BTBD9: variants seen among roughly 807,000 people sequenced by gnomAD.
BTBD9 encodes BTB domain containing 9.
BTBD9 carries 49 observed loss-of-function variants against 64.3 expected under a neutral mutation model. The ratio of observed to expected loss-of-function variants is 0.76; its 90% CI spans 0.61 to 0.97. The LOEUF (loss-of-function observed/expected upper bound fraction) is 0.97. Ranked by LOEUF, BTBD9 falls within the 50% of genes least tolerant of loss-of-function variation. BTBD9 has a pLI of 0.00. For missense variants in BTBD9, 598 were observed against 762.1 expected, an observed-to-expected ratio of 0.78 and a Z score of 2.53; for synonymous variants, 260 against 274.7, an observed-to-expected ratio of 0.95 and a Z score of 0.53.
intron 6 of BTBD9, among the ~76,000 whole-genome samples, chr6:38,422,317 C>A (rs1397444667): frequency 6.6e-6 from 1 of 152,142 alleles, no homozygotes; most frequent in African/African-American, 2.4e-5. Flanking sequence ...ATCTCAGAAG[C>A]CCTCATGTGC....
At chr6:38,489,149 G>A (rs1206845508) in intron 6 of BTBD9, among the ~76,000 whole-genome samples, 1 of 152,076 alleles carries the variant, frequency 6.6e-6, no homozygotes, top group Non-Finnish European at 1.5e-5. Flanking sequence ...ACCTGCCTTG[G>A]CTTCCTGAAG....
intron 1 of BTBD9, among the ~76,000 whole-genome samples, chr6:38,605,916 A>C (rs1245237488): frequency 6.6e-6 from 1 of 152,182 alleles, no homozygotes; most frequent in Non-Finnish European, 1.5e-5. Flanking sequence ...TTAACATTTG[A>C]GTCAGTGGAC....
At chr6:38,498,116 C>A (rs1166091665) in intron 6 of BTBD9, among the ~76,000 whole-genome samples, 1 of 152,176 alleles carries the variant, frequency 6.6e-6, no homozygotes, top group Non-Finnish European at 1.5e-5. Context: ...TGATTCCCAA[C>A]AAATTATCAG....
chr6:38,539,623 A>ACCTAT (rs1287328929), intron 6 of BTBD9, among the ~76,000 whole-genome samples: 1 of 152,222 alleles, frequency 6.6e-6, no homozygotes, highest in Non-Finnish European at 1.5e-5. Context: ...TTTTTAAAAG[A>ACCTAT]GATTTATTTG....
chr6:38,340,286 C>T (rs1229226679), intron 7 of BTBD9, among the ~76,000 whole-genome samples: 1 of 152,108 alleles, frequency 6.6e-6, no homozygotes, highest in East Asian at 1.9e-4. Flanking sequence ...TTCCAAATGT[C>T]ATTTTCCTCT....
intron 6 of BTBD9, among the ~76,000 whole-genome samples, chr6:38,388,397 T>C (rs1417533695): frequency 2.0e-5 from 3 of 152,212 alleles, no homozygotes; most frequent in African/African-American, 7.2e-5. Context: ...AAAAGAAAGT[T>C]TGGTATAACT....
chr6:38,329,319 T>A (rs1363980389), intron 7 of BTBD9, among the ~76,000 whole-genome samples: 2 of 149,710 alleles, frequency 1.3e-5, no homozygotes, highest in African/African-American at 5.0e-5. Context: ...AAGACCTTTT[T>A]TTCCTTTTTT....
At chr6:38,485,730 A>G (rs1771365267) in intron 6 of BTBD9, among the ~76,000 whole-genome samples, 1 of 152,166 alleles carries the variant, frequency 6.6e-6, no homozygotes, top group South Asian at 2.1e-4. Context: ...CATAACTCTT[A>G]GGGCCCTAGG....
chr6:38,386,847 T>G (rs1301566780), intron 6 of BTBD9, among the ~76,000 whole-genome samples: 1 of 152,054 alleles, frequency 6.6e-6, no homozygotes, highest in Non-Finnish European at 1.5e-5. Flanking sequence ...TTCACCATGC[T>G]GCCCAGGCTG....
At chr6:38,324,159 T>C (rs1763335634) in intron 7 of BTBD9, among the ~76,000 whole-genome samples, 1 of 152,178 alleles carries the variant, frequency 6.6e-6, no homozygotes. Context: ...ATAATTTACA[T>C]CTTGTTATAC....
At chr6:38,387,280 T>C (rs1055511136) in intron 6 of BTBD9, among the ~76,000 whole-genome samples, 1 of 152,338 alleles carries the variant, frequency 6.6e-6, no homozygotes, top group South Asian at 2.1e-4. Flanking sequence ...CTCACGCCTG[T>C]AATCCCAACA....
Position 38,184,198 on chromosome 6 carries a change from C to T in BTBD9, c.1641+8321G>A, listed in dbSNP as rs984644124. ...GTTGGGTTCAGGATGAACAAGGCTG[C>T]GGTGACAGCATCCTCACTCTTGCCT... On this transcript the variant is annotated intron_variant, in intron 10 of 10. Coordinates refer to ENST00000481247, the MANE Select transcript of BTBD9 (RefSeq NM_001099272.2). The surrounding 1 kb of genome is among the most constrained non-coding windows in gnomAD (Gnocchi z 4.4). Among the ~76,000 whole-genome samples the T allele has an allele frequency of 5.9e-5, 9 of 152,240 alleles. No homozygotes were observed. Among genetic ancestry groups the T allele is most frequent in the African/African-American group, 1.9e-4 (8 of 41,520 alleles).
intron 4 of BTBD9, among the ~76,000 whole-genome samples, chr6:38,590,245 T>C (rs1424629636): frequency 6.6e-6 from 1 of 152,100 alleles, no homozygotes; most frequent in African/African-American, 2.4e-5. Context: ...CTCACACAGA[T>C]ATACACAGAA....
chr6:38,268,249 C>T (rs986975377), intron 8 of BTBD9, among the ~76,000 whole-genome samples: 5 of 152,200 alleles, frequency 3.3e-5, no homozygotes, highest in African/African-American at 1.2e-4. Context: ...CCTGCCCATC[C>T]GCTGAACACA....
At chr6:38,359,874 T>A (rs1764881845) in intron 6 of BTBD9, among the ~76,000 whole-genome samples, 1 of 151,618 alleles carries the variant, frequency 6.6e-6, no homozygotes, top group South Asian at 2.1e-4. Context: ...CTCTCCTAAT[T>A]CTCAAACAGA....
At chr6:38,593,892 G>A in intron 3 of BTBD9, 72 bp downstream of exon 3, 1 of 1,277,060 alleles carries the variant, frequency 7.8e-7, no homozygotes, top group Non-Finnish European at 1.1e-6. Flanking sequence ...TTAGTCCATT[G>A]CTATACTTCT....
chr6:38,267,051 C>G (rs1429000916), intron 8 of BTBD9, among the ~76,000 whole-genome samples: 1 of 152,234 alleles, frequency 6.6e-6, no homozygotes, highest in Non-Finnish European at 1.5e-5. Flanking sequence ...TCAGTGAGAT[C>G]AGCCTGATTT....
intron 9 of BTBD9, among the ~76,000 whole-genome samples, chr6:38,206,256 G>T (rs1455450689): frequency 1.3e-5 from 2 of 150,556 alleles, no homozygotes; most frequent in Non-Finnish European, 3.0e-5. Flanking sequence ...TTGCTCTGTT[G>T]CCAGGCTAGA....
intron 6 of BTBD9, among the ~76,000 whole-genome samples, chr6:38,486,488 T>G (rs1391258352): frequency 6.6e-6 from 1 of 152,204 alleles, no homozygotes; most frequent in South Asian, 2.1e-4. Context: ...AAGAGACTAC[T>G]GTAGGGTTAT....
Sources: allele counts gnomAD v4.1 joint callset (sites outside exome capture counted in the v4.1 genomes callset), GRCh38; gene constraint gnomAD v4.1.1; non-coding constraint Gnocchi (gnomAD v3.1); transcripts MANE v1.5; gene names NCBI Gene and HGNC (gene_info 2026-07-23, HGNC 2026-07-21).